CFAP77: variants seen among roughly 807,000 people sequenced by gnomAD.
CFAP77 encodes cilia- and flagella-associated protein 77.
In CFAP77, 25 loss-of-function variants were observed where a neutral mutation model predicts 31.1. The observed-to-expected ratio is 0.80, with a 90% confidence interval of 0.59 to 1.12. CFAP77 has a LOEUF of 1.12. Ranked by LOEUF, CFAP77 falls within the 50% of genes most tolerant of loss-of-function variation. The probability of loss-of-function intolerance (pLI) is 0.00; values close to 1 mark genes in which losing one functional copy is unlikely to be tolerated. For synonymous variants in CFAP77, 151 were observed against 159.9 expected (o/e 0.94, Z 0.42); for missense variants, 377 against 397.3 (o/e 0.95, Z 0.44).
chr9:132,482,209 G>A (rs1851460123), intron 1 of CFAP77: 1 of 639,092 alleles, frequency 1.6e-6, no homozygotes, highest in African/African-American at 1.9e-5. Flanking sequence ...CTTTTCATAG[G>A]GAGCCTTTTT....
intron 1 of CFAP77, among the ~76,000 whole-genome samples, chr9:132,415,513 T>C (rs1203206518): frequency 2.0e-5 from 3 of 152,190 alleles, no homozygotes; most frequent in African/African-American, 7.2e-5. Flanking sequence ...CTTTGAAGCG[T>C]TAATTAAGCG....
At position 132,412,957 on chromosome 9, in the gene CFAP77, A is replaced by G. The variant is rs1850035769; in HGVS notation, c.195+2491A>G. On this transcript the variant is annotated intron_variant, in intron 1 of 5. Transcript: ENST00000393216. The stretch of plus-strand genomic sequence containing the variant: ...AGTAGTGTGTGCCTTTCCGCTATGT[A>G]TGGTAGAGGTTGGGAGTGCACTCTG... Among the ~76,000 whole-genome samples the G allele has an allele frequency of 2.0e-5, 3 of 152,156 alleles. 1 individual carries two copies. In the Middle Eastern group the frequency reaches 0.01, roughly 518 times the overall value.
At chr9:132,494,576 C>A (rs1432054825) in intron 1 of CFAP77, among the ~76,000 whole-genome samples, 1 of 152,194 alleles carries the variant, frequency 6.6e-6, no homozygotes, top group African/African-American at 2.4e-5. Context: ...GGTGGATGTA[C>A]ACATTCATTT....
At chr9:132,457,330 G>A (rs895635920) in intron 1 of CFAP77, among the ~76,000 whole-genome samples, 7 of 152,104 alleles carry the variant, frequency 4.6e-5, no homozygotes, top group African/African-American at 1.7e-4. Flanking sequence ...GGGGAGAAAG[G>A]ATTAAAATCG....
rs1851853480 is a variant in CFAP77, at chr9:132,501,954, T to A, written c.524+2354T>A. ...TGGACATCAGGCAGGCAGTAGGACT[T>A]CCCAGCCCTTTCTACCTCACTACAC... On this transcript the variant is annotated intron_variant, in intron 3 of 5. Transcript: ENST00000393216. This position sits in a 1 kb window ranked among gnomAD's most constrained non-coding sequence, Gnocchi z 4.6. Among the ~76,000 whole-genome samples, 2 of 152,178 alleles carry A rather than the reference T, an allele frequency of 1.3e-5. No individual in the cohort carries two copies. The highest frequency in any genetic ancestry group is 1.3e-4 in the Admixed American group (2 of 15,280).
chr9:132,508,391 C>T (rs1166656539), intron 3 of CFAP77, among the ~76,000 whole-genome samples: 9 of 152,132 alleles, frequency 5.9e-5, no homozygotes, highest in Non-Finnish European at 1.3e-4. Flanking sequence ...GGACATCATA[C>T]ATTCAAGGGA....
At chr9:132,538,821 C>T (rs1852590353) in intron 4 of CFAP77, among the ~76,000 whole-genome samples, 2 of 151,756 alleles carry the variant, frequency 1.3e-5, no homozygotes, top group Non-Finnish European at 2.9e-5. Context: ...GGTACGGTGG[C>T]TCACACCTGT....
intron 1 of CFAP77, among the ~76,000 whole-genome samples, chr9:132,471,399 G>A (rs1449954536): frequency 6.6e-6 from 1 of 152,102 alleles, no homozygotes; most frequent in African/African-American, 2.4e-5. Context: ...ACTCTCTGGT[G>A]GGAGAGAACT....
intron 1 of CFAP77, among the ~76,000 whole-genome samples, chr9:132,479,709 G>A (rs1465036832): frequency 6.6e-6 from 1 of 152,208 alleles, no homozygotes; most frequent in Non-Finnish European, 1.5e-5. Context: ...CTGGCCACCA[G>A]GGACAGATGT....
chr9:132,549,698 C>T (rs991704365), intron 5 of CFAP77, among the ~76,000 whole-genome samples: 3 of 151,842 alleles, frequency 2.0e-5, no homozygotes, highest in African/African-American at 4.8e-5. Flanking sequence ...ATTAGCCAGG[C>T]GTGATGGCAG....
At chr9:132,445,286 T>C (rs995114062) in intron 1 of CFAP77, among the ~76,000 whole-genome samples, 1 of 152,152 alleles carries the variant, frequency 6.6e-6, no homozygotes, top group Non-Finnish European at 1.5e-5. Context: ...ACTGTTCTAT[T>C]TTCTGTCTCT....
intron 5 of CFAP77, among the ~76,000 whole-genome samples, chr9:132,568,917 C>T (rs1318702559): frequency 5.3e-5 from 8 of 152,144 alleles, no homozygotes; most frequent in Non-Finnish European, 1.0e-4. Context: ...CTAGGCTGGT[C>T]TCTAACTCCT....
intron 1 of CFAP77, among the ~76,000 whole-genome samples, chr9:132,463,466 G>A (rs1473697155): frequency 6.6e-6 from 1 of 152,164 alleles, no homozygotes; most frequent in African/African-American, 2.4e-5. Context: ...ATTGCTGAAT[G>A]AAGTCGGAAG....
chr9:132,414,396 T>C (rs1048336044), intron 1 of CFAP77, among the ~76,000 whole-genome samples: 1 of 152,134 alleles, frequency 6.6e-6, no homozygotes, highest in Non-Finnish European at 1.5e-5. Flanking sequence ...ATGGGATACA[T>C]GCACACGTTT....
At chr9:132,461,768 C>T (rs188468358) in intron 1 of CFAP77, among the ~76,000 whole-genome samples, 1 of 152,194 alleles carries the variant, frequency 6.6e-6, no homozygotes, top group African/African-American at 2.4e-5. Context: ...TGTGTGCGGG[C>T]AATGCTTTGT....
intron 1 of CFAP77, among the ~76,000 whole-genome samples, chr9:132,478,304 G>C (rs577243585): frequency 1.8e-4 from 28 of 152,160 alleles, no homozygotes; most frequent in Middle Eastern, 3.4e-3. Context: ...GGTGGTGTTG[G>C]GGAGTCCTGA....
intron 1 of CFAP77, among the ~76,000 whole-genome samples, chr9:132,448,162 CACACA>C (rs1402863821): frequency 6.5e-4 from 90 of 138,096 alleles, no homozygotes; most frequent in African/African-American, 2.9e-3. Flanking sequence ...GATCAAGATA[CACACA>C]CGCACACATG....
intron 1 of CFAP77, among the ~76,000 whole-genome samples, chr9:132,413,281 C>G (rs538555184): frequency 4.5e-4 from 68 of 152,218 alleles, no homozygotes; most frequent in African/African-American, 1.6e-3. Context: ...CCACCATAAC[C>G]AAGTGAAAAG....
intron 1 of CFAP77, among the ~76,000 whole-genome samples, chr9:132,458,427 T>C (rs1337271006): frequency 6.6e-6 from 1 of 151,974 alleles, no homozygotes; most frequent in East Asian, 1.9e-4. Flanking sequence ...GAATTTCGAC[T>C]GAATTTTCCC....
Sources: allele counts gnomAD v4.1 joint callset (sites outside exome capture counted in the v4.1 genomes callset), GRCh38; gene constraint gnomAD v4.1.1; non-coding constraint Gnocchi (gnomAD v3.1); transcripts MANE v1.5; gene names NCBI Gene and HGNC (gene_info 2026-07-23, HGNC 2026-07-21).